ESRP1: variants seen among roughly 807,000 people sequenced by gnomAD.
ESRP1 encodes RNA-binding motif protein 35A.
In ESRP1, 33 loss-of-function variants were observed where a neutral mutation model predicts 81.7. That is an observed-to-expected ratio of 0.40 (90% CI 0.31 to 0.54). ESRP1 has a LOEUF of 0.54. ESRP1 is among the 20% of genes least tolerant of loss of function. The pLI is 0.41. For missense variants in ESRP1, 672 were observed against 833.1 expected (o/e 0.81, Z 2.38); for synonymous variants, 320 against 303.3 (o/e 1.06, Z -0.57).
intron 14 of ESRP1, among the ~76,000 whole-genome samples, chr8:94,694,661 C>T (rs750333495): frequency 2.6e-5 from 4 of 152,162 alleles, no homozygotes; most frequent in African/African-American, 7.2e-5. Flanking sequence ...ACCATGCAAT[C>T]GGGATTATTT....
At chr8:94,657,472 C>CGTGTGTGTGTGTGTGTGTGT (rs9297944) in intron 4 of ESRP1, among the ~76,000 whole-genome samples, 26 of 146,268 alleles carry the variant, frequency 1.8e-4, no homozygotes, top group Admixed American at 1.2e-3. Context: ...AGGCTGTGTG[C>CGTGTGTGTGTGTGTGTGTGT]GTGTGTGTGT....
intron 4 of ESRP1, among the ~76,000 whole-genome samples, chr8:94,647,651 T>C (rs1000762463): frequency 1.3e-5 from 2 of 152,108 alleles, no homozygotes; most frequent in Non-Finnish European, 2.9e-5. Context: ...AAAGACCCTC[T>C]CTCCAGATAG....
intron 3 of ESRP1, among the ~76,000 whole-genome samples, chr8:94,644,125 A>G (rs965469170): frequency 1.3e-5 from 2 of 152,206 alleles, no homozygotes; most frequent in African/African-American, 2.4e-5. Context: ...GTCTTACTAT[A>G]GGTAAAATGT....
chr8:94,670,132 T>C (rs1049436817), intron 10 of ESRP1, among the ~76,000 whole-genome samples: 4 of 152,156 alleles, frequency 2.6e-5, no homozygotes, highest in African/African-American at 9.7e-5. Context: ...CTACTATGAG[T>C]TGCTTTTGGG....
chr8:94,660,701 G>A (rs1231630414), intron 4 of ESRP1, among the ~76,000 whole-genome samples: 1 of 89,162 alleles, frequency 1.1e-5, no homozygotes, highest in African/African-American at 4.6e-5. Flanking sequence ...AACAGAGCGA[G>A]ACTATCTCAA....
chr8:94,651,987 C>CTTTTTTTTTTTTTTTTTTT (rs35903773), intron 4 of ESRP1, among the ~76,000 whole-genome samples: 2 of 65,212 alleles, frequency 3.1e-5, no homozygotes, highest in Non-Finnish European at 5.1e-5. Flanking sequence ...TCTAAAACGC[C>CTTTTTTTTTTTTTTTTTTT]TTTTTTTTTT....
chr8:94,702,634 C>T (rs1809882749), intron 15 of ESRP1, among the ~76,000 whole-genome samples: 1 of 152,166 alleles, frequency 6.6e-6, no homozygotes, highest in Non-Finnish European at 1.5e-5. Flanking sequence ...CAGGCGCACA[C>T]CACCATGCCT....
chr8:94,677,992 C>G (rs141391973), intron 12 of ESRP1, among the ~76,000 whole-genome samples: 1 of 152,168 alleles, frequency 6.6e-6, no homozygotes, highest in Non-Finnish European at 1.5e-5. Flanking sequence ...GAATTTCAGG[C>G]AAAGAACTGT....
Position 94,664,928 on chromosome 8 carries a change from G to A in ESRP1, c.757G>A (p.Gly253Arg). The change falls in exon 8 of 16, where the codon GGA (glycine) becomes AGA (arginine). Residue 253 changes from glycine to arginine, a missense_variant and splice_region_variant. By Grantham distance (125) the Gly-to-Arg change is moderately radical. Coordinates refer to ENST00000433389, the MANE Select transcript of ESRP1 (RefSeq NM_017697.4). ...RFFKGLNIAK[G>R]GAALCLNAQG... ...CTGTCTGTTTTATTATTCTCAAAGGGGAGGTGCAGCACTTTGTCTGAATGC... is the reference window on the plus strand; with the variant it reads ...CTGTCTGTTTTATTATTCTCAAAGGAGAGGTGCAGCACTTTGTCTGAATGC... 1 of 1,612,372 alleles carries A rather than the reference G, an allele frequency of 6.2e-7. No individual in the cohort carries two copies.
At chr8:94,702,907 A>G (rs1201149910) in intron 15 of ESRP1, among the ~76,000 whole-genome samples, 1 of 152,220 alleles carries the variant, frequency 6.6e-6, no homozygotes, top group Non-Finnish European at 1.5e-5. Context: ...ATATAGCACC[A>G]GTGGTGAAAT....
intron 13 of ESRP1, among the ~76,000 whole-genome samples, chr8:94,687,671 G>A (rs1045495171): frequency 3.3e-5 from 5 of 152,114 alleles, no homozygotes; most frequent in African/African-American, 1.2e-4. Flanking sequence ...TTTCCTTAAT[G>A]AGCATTGGTT....
intron 15 of ESRP1, among the ~76,000 whole-genome samples, chr8:94,699,957 G>A (rs1809756518): frequency 1.3e-5 from 2 of 151,948 alleles, no homozygotes; most frequent in Admixed American, 6.6e-5. Context: ...ATAACCGAGT[G>A]GCTCATGTTC....
chr8:94,698,113 A>T (rs986717258), intron 15 of ESRP1, among the ~76,000 whole-genome samples: 2 of 152,204 alleles, frequency 1.3e-5, no homozygotes, highest in African/African-American at 4.8e-5. Flanking sequence ...GTTGTAAAAT[A>T]TACACAACAA....
intron 4 of ESRP1, among the ~76,000 whole-genome samples, chr8:94,656,424 T>C (rs1005151081): frequency 6.6e-6 from 1 of 151,334 alleles, no homozygotes; most frequent in East Asian, 1.9e-4. Context: ...GGTTTCACCA[T>C]GTTAGCCAGG....
intron 15 of ESRP1, among the ~76,000 whole-genome samples, chr8:94,701,475 C>A (rs1809837064): frequency 6.6e-6 from 1 of 152,156 alleles, no homozygotes; most frequent in Non-Finnish European, 1.5e-5. Context: ...ATTCAAGATG[C>A]CCACAAGCCT....
chr8:94,648,739 G>A (rs1362041374), intron 4 of ESRP1, among the ~76,000 whole-genome samples: 2 of 152,224 alleles, frequency 1.3e-5, no homozygotes, highest in African/African-American at 4.8e-5. Context: ...GAGAAGAGCA[G>A]ATAAGAGAAT....
intron 4 of ESRP1, among the ~76,000 whole-genome samples, chr8:94,660,450 A>G (rs1443292534): frequency 1.3e-5 from 2 of 151,998 alleles, no homozygotes; most frequent in African/African-American, 4.8e-5. Context: ...AAAAAATACA[A>G]AAATGAGGTC....
chr8:94,678,885 G>A (rs1161942693), intron 13 of ESRP1, among the ~76,000 whole-genome samples: 1 of 152,116 alleles, frequency 6.6e-6, no homozygotes, highest in Admixed American at 6.5e-5. Flanking sequence ...TATATTTTAA[G>A]TCTGTCTTTT....
In ESRP1 at chr8:94,706,212, A is replaced by G. The variant is rs1204514027; in HGVS notation, c.*323A>G. On this transcript the variant is annotated 3_prime_UTR_variant, in exon 16 of 16. Coordinates refer to ENST00000433389, the MANE Select transcript of ESRP1 (RefSeq NM_017697.4). The stretch of plus-strand genomic sequence containing the variant: ...CTCCATTACTTCCAGTTAAAGTGGC[A>G]TCATAGGTGTTTCCTAAGTTTTAAG... The G allele has an allele frequency of 4.5e-6, 2 of 442,976 alleles. No homozygotes were observed. The allele number at this position is 442,976 out of a possible 1,614,324, so 27.4% of individuals were successfully genotyped here.
Sources: gnomAD v4.1 joint callset for allele counts (sites outside exome capture counted in the v4.1 genomes callset) on GRCh38, gnomAD v4.1.1 for gene constraint, MANE v1.5 for transcripts, NCBI Gene and HGNC (gene_info 2026-07-23, HGNC 2026-07-21) for gene names.